The following BTD variants were observed in gnomAD, a reference collection of about 807,000 sequenced individuals.
BTD encodes the protein biocytinase.
In BTD, 13 loss-of-function variants were observed where a neutral mutation model predicts 17.7. The ratio of observed to expected loss-of-function variants is 0.74; its 90% confidence interval spans 0.48 to 1.17. BTD has a LOEUF of 1.17. Ranked by LOEUF, BTD falls within the 50% of genes most tolerant of loss-of-function variation. The probability of loss-of-function intolerance (pLI) is 0.00; values close to 1 mark genes in which losing one functional copy is unlikely to be tolerated. For synonymous variants in BTD, 240 were observed against 245.2 expected, an observed-to-expected ratio of 0.98 and a Z score of 0.20; for missense variants, 674 against 650.4, an observed-to-expected ratio of 1.04 and a Z score of -0.39.
At chr3:15,633,440 G>A (rs956308235) in intron 1 of BTD, among the ~76,000 whole-genome samples, 3 of 152,028 alleles carry the variant, frequency 2.0e-5, no homozygotes, top group Non-Finnish European at 4.4e-5. Flanking sequence ...CTCTCCTACC[G>A]GGCTCCTTTT....
chr3:15,617,172 G>C (rs1009135832), intron 1 of BTD, among the ~76,000 whole-genome samples: 1 of 152,136 alleles, frequency 6.6e-6, no homozygotes, highest in East Asian at 1.9e-4. Context: ...CTTTCTTATT[G>C]TTGAGTTTTA....
At chr3:15,685,157 T>TTATAAA in intron 3 of BTD, 2 of 1,552,780 alleles carry the variant, frequency 1.3e-6, no homozygotes, top group South Asian at 2.3e-5. Flanking sequence ...AAAATTTGCC[T>TTATAAA]TATAAATATG....
intron 3 of BTD, chr3:15,709,845 C>A: frequency 1.6e-6 from 1 of 622,624 alleles, no homozygotes; most frequent in African/African-American, 1.9e-5. Context: ...ATAAATGTGA[C>A]AAAAATGATG....
At chr3:15,613,462 A>G (rs1400836813) in intron 1 of BTD, among the ~76,000 whole-genome samples, 1 of 151,744 alleles carries the variant, frequency 6.6e-6, no homozygotes, top group Admixed American at 6.6e-5. Flanking sequence ...ATAATATTTC[A>G]TCTGTCTCCC....
At chr3:15,688,354 C>T (rs2068392403) in intron 3 of BTD, among the ~76,000 whole-genome samples, 1 of 152,150 alleles carries the variant, frequency 6.6e-6, no homozygotes, top group African/African-American at 2.4e-5. Flanking sequence ...TGAAACTGAA[C>T]TCAAGTGACC....
intron 1 of BTD, among the ~76,000 whole-genome samples, chr3:15,629,832 A>G (rs2065160064): frequency 6.6e-6 from 1 of 152,146 alleles, no homozygotes; most frequent in South Asian, 2.1e-4. Flanking sequence ...TCTCATTATC[A>G]TTACTAACCA....
In BTD at chr3:15,718,967, A is replaced by G. The variant is rs140040068; in HGVS notation, c.1016-2803A>G. Among the ~76,000 whole-genome samples, 434 of 152,316 alleles carry G rather than the reference A, an allele frequency of 2.8e-3. 2 individuals are homozygous for G. Among genetic ancestry groups the G allele is most frequent in the Middle Eastern group, 0.01 (3 of 294 alleles). ...ATTTTTCTGGGCCCTGATTATCCAA[A>G]GTGCAGGAATTCTTCAAATTAAAAT... On this transcript the variant is annotated intron_variant, in intron 4 of 4. Coordinates refer to the BTD transcript ENST00000672427.
chr3:15,640,925 A>C (rs1036411154), intron 2 of BTD, among the ~76,000 whole-genome samples: 1 of 152,212 alleles, frequency 6.6e-6, no homozygotes, highest in East Asian at 1.9e-4. Context: ...AAAAGTTTGC[A>C]ATGCATTCCA....
intron 3 of BTD, among the ~76,000 whole-genome samples, chr3:15,707,372 C>T (rs1228978508): frequency 6.6e-6 from 1 of 152,186 alleles, no homozygotes; most frequent in Non-Finnish European, 1.5e-5. Context: ...CTTATTCATT[C>T]TTGGCCAACA....
At chr3:15,634,190 GA>G (rs1221228164) in intron 1 of BTD, among the ~76,000 whole-genome samples, 1 of 152,196 alleles carries the variant, frequency 6.6e-6, no homozygotes, top group Non-Finnish European at 1.5e-5. Flanking sequence ...AAAAAATAAA[GA>G]AATTTGTAGC....
Position 15,664,587 on chromosome 3 carries a change from A to T in BTD, c.399+22530A>T, listed in dbSNP as rs73817046. Among the ~76,000 whole-genome samples, 77 of 152,312 alleles carry T rather than the reference A, an allele frequency of 5.1e-4. 1 individual carries two copies. Among genetic ancestry groups the T allele is most frequent in the African/African-American group, 1.8e-3 (75 of 41,584 alleles). ...ACAGTCGATTCTGAGAAATTTTGCCAGTTTTATCACGGCTCTTATGAAGCA... is the reference window on the plus strand; with the variant it reads ...ACAGTCGATTCTGAGAAATTTTGCCTGTTTTATCACGGCTCTTATGAAGCA... On this transcript the variant is annotated intron_variant, in intron 3 of 3. Coordinates refer to the BTD transcript ENST00000672141.
At chr3:15,632,106 G>T (rs1350313841) in intron 1 of BTD, among the ~76,000 whole-genome samples, 1 of 152,006 alleles carries the variant, frequency 6.6e-6, no homozygotes, top group Non-Finnish European at 1.5e-5. Context: ...GCAGACCCAC[G>T]TGATTTCCTC....
Position 15,646,645 on chromosome 3 carries a change from G to A in BTD, c.*1157G>A, listed in dbSNP as rs1048371378. The stretch of plus-strand genomic sequence containing the variant: ...ATTTAAAAAAGGATTTTGACTGCAT[G>A]CCTAGTAGCTGTTTCAGATCATTTT... On this transcript the variant is annotated 3_prime_UTR_variant, in exon 4 of 4. Transcript: ENST00000643237. 6.6e-6 allele frequency: 1 copy of A among 152,212 alleles called. No homozygotes were observed. Among genetic ancestry groups the A allele is most frequent in the Admixed American group, 6.5e-5 (1 of 15,288 alleles). The allele number at this position is 152,212 out of a possible 1,614,324, so 9.4% of individuals were successfully genotyped here.
At position 15,601,830 on chromosome 3, in the gene BTD, T is replaced by A. The variant is rs2064254573; in HGVS notation, c.-81T>A. The A allele has an allele frequency of 6.2e-7, 1 of 1,614,148 alleles. No individual in the cohort carries two copies. The highest frequency in any genetic ancestry group is 8.5e-7 in the Non-Finnish European group (1 of 1,180,032). On this transcript the variant is annotated 5_prime_UTR_variant, in exon 1 of 4. Transcript: ENST00000643237. Reference sequence around the variant, plus strand: ...TCTCCGAGTCGGCCAGCTGGAGCGTTTTCGGGGCTGTAAAGGGAGAATGGC... The same window carrying A: ...TCTCCGAGTCGGCCAGCTGGAGCGTATTCGGGGCTGTAAAGGGAGAATGGC...
Position 15,678,403 on chromosome 3 carries a change from A to G in BTD, c.400-31657A>G, listed in dbSNP as rs764063969. On this transcript the variant is annotated intron_variant, in intron 3 of 3. Coordinates refer to the BTD transcript ENST00000672141. ...ATATGACTAAATTTGAATGTTATAT[A>G]TGCTGGAAAAATATTCTTTAATTTG... The G allele has an allele frequency of 2.6e-5, 40 of 1,520,498 alleles. 1 individual carries two copies. In the Middle Eastern group the frequency reaches 8.7e-4, roughly 33 times the overall value. 94.2% of individuals were successfully genotyped at this position (1,520,498 alleles called of 1,614,324 possible).
At chr3:15,695,127 A>C in intron 3 of BTD, 1 of 1,328,096 alleles carries the variant, frequency 7.5e-7, no homozygotes, top group Non-Finnish European at 1.1e-6. Flanking sequence ...ACAGATAAAC[A>C]TAACTGGTAG....
chr3:15,719,985 T>C (rs978825925), intron 4 of BTD, among the ~76,000 whole-genome samples: 1 of 152,068 alleles, frequency 6.6e-6, no homozygotes, highest in Admixed American at 6.6e-5. Flanking sequence ...TCCTCCCACT[T>C]CAACCTCCCA....
chr3:15,614,150 G>T (rs2064722826), intron 1 of BTD, among the ~76,000 whole-genome samples: 2 of 135,022 alleles, frequency 1.5e-5, no homozygotes, highest in Non-Finnish European at 1.5e-5. Context: ...TTAAGTCAAG[G>T]TCTTGCTCTG....
At chr3:15,690,820 TTGGTCTC>T (rs1042417276) in intron 3 of BTD, among the ~76,000 whole-genome samples, 2 of 152,122 alleles carry the variant, frequency 1.3e-5, no homozygotes, top group Non-Finnish European at 2.9e-5. Flanking sequence ...TCCTCCTACC[TTGGTCTC>T]TCAAAGTGCT....
Sources: allele counts gnomAD v4.1 joint callset (sites outside exome capture counted in the v4.1 genomes callset), GRCh38; gene constraint gnomAD v4.1.1; transcripts MANE v1.5; gene names NCBI Gene and HGNC (gene_info 2026-07-23, HGNC 2026-07-21).